CLIP4: variants seen among roughly 807,000 people sequenced by gnomAD.
The protein encoded by CLIP4 is CAP-Gly domain-containing linker protein 4.
A neutral mutation model predicts 73.1 loss-of-function variants in CLIP4; 47 were observed. The observed-to-expected ratio is 0.64, with a 90% confidence interval of 0.51 to 0.82. The LOEUF is 0.82. Ranked by LOEUF, CLIP4 falls within the 40% of genes least tolerant of loss-of-function variation. The pLI is 0.00. For missense variants in CLIP4, 874 were observed against 852.9 expected, an observed-to-expected ratio of 1.02 and a Z score of -0.31; for synonymous variants, 306 against 295.4, an observed-to-expected ratio of 1.04 and a Z score of -0.37.
chr2:29,162,237 G>A (rs1667340789), intron 12 of CLIP4, among the ~76,000 whole-genome samples: 1 of 152,102 alleles, frequency 6.6e-6, no homozygotes, highest in Non-Finnish European at 1.5e-5. Context: ...AGAAATTTGG[G>A]AAGTAGTAAG....
At chr2:29,170,504 A>G (rs1667932022) in intron 14 of CLIP4, among the ~76,000 whole-genome samples, 1 of 152,220 alleles carries the variant, frequency 6.6e-6, no homozygotes, top group African/African-American at 2.4e-5. Context: ...AATACCAAAC[A>G]TGTATCAGAC....
chr2:29,131,808 A>G (rs1664990451), intron 3 of CLIP4: 1 of 270,314 alleles, frequency 3.7e-6, no homozygotes, highest in Non-Finnish European at 6.9e-6. Flanking sequence ...CTTGACCAGT[A>G]TGTTGCTGTG....
intron 1 of CLIP4, among the ~76,000 whole-genome samples, chr2:29,107,658 G>T (rs1052077287): frequency 6.6e-6 from 1 of 151,658 alleles, no homozygotes; most frequent in Non-Finnish European, 1.5e-5. Context: ...ATAGGCATGA[G>T]CCACCACGCC....
chr2:29,153,199 T>C (rs1217533514), intron 9 of CLIP4, among the ~76,000 whole-genome samples: 1 of 152,156 alleles, frequency 6.6e-6, no homozygotes, highest in African/African-American at 2.4e-5. Flanking sequence ...CTCGGGAAAC[T>C]AGCAGTTGCG....
At chr2:29,175,802 C>T (rs187704541) in intron 15 of CLIP4, among the ~76,000 whole-genome samples, 8 of 152,194 alleles carry the variant, frequency 5.3e-5, no homozygotes, top group African/African-American at 1.4e-4. Context: ...TGCTCTGTCA[C>T]CCAGGCTGGA....
rs1312782510 is a variant in CLIP4 at position 29,181,997 on chromosome 2, T to G, written c.*104T>G. On this transcript the variant is annotated 3_prime_UTR_variant, in exon 16 of 16. Transcript: ENST00000320081. ...TAGCCATATTAAAATTTTGAAAATA[T>G]AGTTATCTTCTTAAAAACCATTATA... 1.0e-6 allele frequency: 1 copy of G among 953,000 alleles called. No homozygotes were observed. Among genetic ancestry groups the G allele is most frequent in the Non-Finnish European group, 1.5e-6 (1 of 659,752 alleles). The allele number at this position is 953,000 out of a possible 1,614,324, so 59.0% of individuals were successfully genotyped here. A position where few individuals can be genotyped will look rare whatever the true frequency, so the allele number is the denominator to read the frequency against.
At chr2:29,162,606 T>A (rs1484968155) in intron 12 of CLIP4, among the ~76,000 whole-genome samples, 1 of 152,148 alleles carries the variant, frequency 6.6e-6, no homozygotes, top group Non-Finnish European at 1.5e-5. Context: ...ATGCAAAAAT[T>A]ATATAGGAAA....
chr2:29,113,502 CAT>C (rs1198520353), upstream of CLIP4, among the ~76,000 whole-genome samples: 1 of 152,202 alleles, frequency 6.6e-6, no homozygotes, highest in Non-Finnish European at 1.5e-5. The surrounding 1 kb of genome is among the most constrained non-coding windows in gnomAD (Gnocchi z 4.0). Context: ...CGAGCACTTG[CAT>C]TCTTGATGAT....
intron 6 of CLIP4, 107 bp downstream of exon 6, chr2:29,135,773 C>T (rs1665308608): frequency 1.4e-6 from 1 of 694,652 alleles, no homozygotes; most frequent in African/African-American, 1.9e-5. Flanking sequence ...CTTACATGAG[C>T]AAGTAATTTA....
intron 1 of CLIP4, among the ~76,000 whole-genome samples, chr2:29,100,960 G>A (rs1668024814): frequency 2.0e-5 from 3 of 152,066 alleles, no homozygotes; most frequent in African/African-American, 4.8e-5. Flanking sequence ...TGTAAGCTAA[G>A]GAGCAAGGAA....
At chr2:29,161,194 G>A (rs868157031) in intron 12 of CLIP4, among the ~76,000 whole-genome samples, 5 of 152,096 alleles carry the variant, frequency 3.3e-5, no homozygotes, top group East Asian at 1.9e-4. Flanking sequence ...GGCTGGTCTC[G>A]AACTCCCAAA....
chr2:29,130,627 C>A lies in CLIP4; in HGVS notation c.134-631C>A, dbSNP rs182637085. ...CTATTTTGATTTTTGCCTAACAGGA[C>A]CATTTTGTTGTCTAAGCTTACGAAT... is the stretch of plus-strand genomic sequence containing the variant. On this transcript the variant is annotated intron_variant, in intron 2 of 15. Coordinates refer to ENST00000320081, the MANE Select transcript of CLIP4 (RefSeq NM_024692.6). 4.6e-6 allele frequency: 5 copies of A among 1,097,504 alleles called. No homozygotes were observed. In the East Asian group the frequency reaches 4.2e-4, roughly 91 times the overall value. 68.0% of individuals were successfully genotyped at this position (1,097,504 alleles called of 1,614,324 possible). A position where few individuals can be genotyped will look rare whatever the true frequency, so the allele number is the denominator to read the frequency against.
chr2:29,117,678 G>T (rs1358071354), intron 1 of CLIP4, among the ~76,000 whole-genome samples: 1 of 152,172 alleles, frequency 6.6e-6, no homozygotes, highest in African/African-American at 2.4e-5. Flanking sequence ...GTAGTTAGCT[G>T]GTCAGATGCC....
intron 13 of CLIP4, 108 bp downstream of exon 13, chr2:29,164,062 C>A: frequency 1.0e-6 from 1 of 984,062 alleles, no homozygotes; most frequent in Non-Finnish European, 1.5e-6. Context: ...TAGCTCATGT[C>A]TTCTTTCAAG....
At chr2:29,116,300 A>G (rs935947679) in intron 1 of CLIP4, among the ~76,000 whole-genome samples, 15 of 152,228 alleles carry the variant, frequency 9.9e-5, no homozygotes, top group Non-Finnish European at 1.6e-4. Context: ...CACGTCATCC[A>G]GACTCTGGTT....
At chr2:29,151,067 G>A (rs1666532957) in intron 8 of CLIP4, among the ~76,000 whole-genome samples, 1 of 152,090 alleles carries the variant, frequency 6.6e-6, no homozygotes, top group Admixed American at 6.6e-5. Flanking sequence ...TAATATTACA[G>A]TGATGACATA....
chr2:29,103,533 A>G (rs981383541), intron 1 of CLIP4, among the ~76,000 whole-genome samples: 4 of 152,180 alleles, frequency 2.6e-5, no homozygotes, highest in African/African-American at 9.7e-5. Flanking sequence ...AAGATTCGTG[A>G]TAAAGTAGGT....
chr2:29,168,980 T>G (rs898017868), intron 14 of CLIP4, among the ~76,000 whole-genome samples: 3 of 152,206 alleles, frequency 2.0e-5, no homozygotes, highest in Admixed American at 2.0e-4. Context: ...TTTTTTTTTT[T>G]GCATGGATAA....
chr2:29,126,030 C>T (rs2148473959), intron 2 of CLIP4, among the ~76,000 whole-genome samples: 1 of 152,070 alleles, frequency 6.6e-6, no homozygotes, highest in East Asian at 1.9e-4. Context: ...CAAAAATTAG[C>T]CGTGTGTGGT....
Sources: gnomAD v4.1 joint callset for allele counts (sites outside exome capture counted in the v4.1 genomes callset) on GRCh38, gnomAD v4.1.1 for gene constraint, Gnocchi (gnomAD v3.1) non-coding constraint, MANE v1.5 for transcripts, NCBI Gene and HGNC (gene_info 2026-07-23, HGNC 2026-07-21) for gene names.